Variants in KCTD5 observed in about 807,000 individuals in gnomAD.
The protein encoded by KCTD5 is potassium channel tetramerization domain containing 5.
In KCTD5, 12 loss-of-function variants were observed where a neutral mutation model predicts 27.9. That is an observed-to-expected ratio of 0.43 (90% CI 0.28 to 0.70). KCTD5 has a LOEUF of 0.70. KCTD5 is among the 30% of genes least tolerant of loss of function. KCTD5 has a pLI of 0.19. For missense variants in KCTD5, 226 were observed against 274.8 expected, an observed-to-expected ratio of 0.82 and a Z score of 1.26; for synonymous variants, 147 against 121.4, an observed-to-expected ratio of 1.21 and a Z score of -1.39.
At chr16:2,701,400 C>T (rs980549871) in intron 4 of KCTD5, among the ~76,000 whole-genome samples, 4 of 152,192 alleles carry the variant, frequency 2.6e-5, no homozygotes, top group Non-Finnish European at 5.9e-5. Flanking sequence ...ACCCAGGGTC[C>T]CCAGTGGTCA....
intron 1 of KCTD5, among the ~76,000 whole-genome samples, chr16:2,693,018 C>T (rs1484733059): frequency 6.6e-6 from 1 of 152,244 alleles, no homozygotes; most frequent in Admixed American, 6.5e-5. Context: ...CCCAGGGCTG[C>T]AGCCCCAGGC....
At chr16:2,693,236 T>C (rs904916574) in intron 1 of KCTD5, among the ~76,000 whole-genome samples, 66 of 152,162 alleles carry the variant, frequency 4.3e-4, no homozygotes, top group Non-Finnish European at 5.4e-4. Context: ...CAGTGGGCTA[T>C]GGTGTGGGGA....
At chr16:2,703,915 A>G (rs2067623440) in intron 5 of KCTD5, among the ~76,000 whole-genome samples, 2 of 152,168 alleles carry the variant, frequency 1.3e-5, no homozygotes, top group South Asian at 2.1e-4. Context: ...CTCAGTCACA[A>G]GGAGGCACTT....
chr16:2,705,645 T>C (rs2067632348), intron 5 of KCTD5, among the ~76,000 whole-genome samples: 1 of 152,184 alleles, frequency 6.6e-6, no homozygotes, highest in Non-Finnish European at 1.5e-5. Flanking sequence ...AGCCGTGTCC[T>C]GCAAGCCCCT....
chr16:2,703,832 G>A (rs1360452042), intron 5 of KCTD5, among the ~76,000 whole-genome samples: 3 of 152,240 alleles, frequency 2.0e-5, no homozygotes, highest in South Asian at 2.1e-4. Context: ...GGGTTCCACC[G>A]CCAGGCTCGG....
At chr16:2,688,673 G>T (rs1022959232) in intron 1 of KCTD5, among the ~76,000 whole-genome samples, 1 of 118,450 alleles carries the variant, frequency 8.4e-6, no homozygotes, top group African/African-American at 3.4e-5. Context: ...CCTGAAGGCA[G>T]CATGTATGGC....
chr16:2,703,337 G>C (rs1387386386), intron 5 of KCTD5, among the ~76,000 whole-genome samples: 1 of 152,146 alleles, frequency 6.6e-6, no homozygotes, highest in Non-Finnish European at 1.5e-5. Flanking sequence ...CTTGGCTGGG[G>C]TCTGCGTGGG....
intron 1 of KCTD5, chr16:2,686,032 G>A (rs1305929980): frequency 7.0e-6 from 1 of 143,730 alleles, no homozygotes; most frequent in African/African-American, 2.6e-5. Flanking sequence ...CTTGACAGAC[G>A]GGTTGTTAGG....
intron 1 of KCTD5, chr16:2,684,007 T>C (rs2067529405): frequency 6.7e-6 from 1 of 150,126 alleles, no homozygotes; most frequent in South Asian, 2.1e-4. Context: ...CATTGCTCAT[T>C]TGACCAAGCC....
intron 3 of KCTD5, among the ~76,000 whole-genome samples, chr16:2,698,899 G>A (rs2142057096): frequency 6.6e-6 from 1 of 152,350 alleles, no homozygotes; most frequent in South Asian, 2.1e-4. Flanking sequence ...TGACCGGGCT[G>A]TGTGGGCACT....
rs534443284 is a variant in KCTD5 at position 2,688,431 on chromosome 16, A to T, written c.252+5631A>T. 1.6e-4 allele frequency among the ~76,000 whole-genome samples: 24 copies of T among 151,856 alleles called. No individual in the cohort carries two copies. The South Asian group carries it at 2.1e-3, about 13-fold the overall frequency. ...ATGTCTGGCTGATTTTTGTATAGTC[A>T]GTAGAGAAGGGGTTTTGCCATGTTG... On this transcript the variant is annotated intron_variant, in intron 1 of 5. Coordinates refer to ENST00000301738, the MANE Select transcript of KCTD5 (RefSeq NM_018992.4).
At chr16:2,684,347 CTT>C (rs1243078344) in intron 1 of KCTD5, 1 of 152,180 alleles carries the variant, frequency 6.6e-6, no homozygotes, top group African/African-American at 2.4e-5. Context: ...TTCCTTAAGA[CTT>C]TGTTAAAAAT....
rs148724877 is a variant in KCTD5 at position 2,707,491 on chromosome 16, G to A, written c.*164G>A. 15 of 776,774 alleles carry A rather than the reference G, an allele frequency of 1.9e-5. No homozygotes were observed. Among genetic ancestry groups the A allele is most frequent in the South Asian group, 7.2e-5 (5 of 69,564 alleles). 48.1% of individuals were successfully genotyped at this position (776,774 alleles called of 1,614,324 possible). ...GCCTCTGAGGTGGGTGGTGAGAGAC[G>A]GGCCCAGCTGTCCAAGGCCAGACGT... On this transcript the variant is annotated 3_prime_UTR_variant, in exon 6 of 6. Transcript: ENST00000301738.
At chr16:2,686,572 CAGAT>C (rs1431519747) in intron 1 of KCTD5, among the ~76,000 whole-genome samples, 1 of 48,416 alleles carries the variant, frequency 2.1e-5, no homozygotes, top group African/African-American at 8.9e-5. Flanking sequence ...GGAAACCACT[CAGAT>C]GGAGGAGAAT....
chr16:2,706,812 G>C (rs1289074125), intron 5 of KCTD5, among the ~76,000 whole-genome samples: 1 of 151,586 alleles, frequency 6.6e-6, no homozygotes, highest in East Asian at 2.0e-4. Flanking sequence ...GGAGGGGCCA[G>C]CACATGAGGT....
intron 5 of KCTD5, 41 bp from the exon 6 acceptor site, chr16:2,707,257 C>G (rs1310960863): frequency 3.1e-6 from 5 of 1,606,974 alleles, no homozygotes; most frequent in Admixed American, 1.7e-5. Flanking sequence ...GGGACACCTC[C>G]TCAGCCCAAG....
intron 1 of KCTD5, among the ~76,000 whole-genome samples, chr16:2,688,230 T>C (rs1437986788): frequency 1.2e-5 from 1 of 82,838 alleles, no homozygotes; most frequent in East Asian, 2.3e-4. Context: ...AATAAATAAA[T>C]ATATATATAT....
rs1324848405 is a variant in KCTD5 at position 2,685,027 on chromosome 16, C to G, written c.252+2227C>G. On this transcript the variant is annotated intron_variant, in intron 1 of 5. Transcript: ENST00000301738. Reference sequence around the variant, plus strand: ...TGAATATATCTGTGTTATACTTGCTCTTTTCATCATCATCCATTTAACCAG... The same window carrying G: ...TGAATATATCTGTGTTATACTTGCTGTTTTCATCATCATCCATTTAACCAG... Among the ~76,000 whole-genome samples the G allele has an allele frequency of 2.6e-5, 4 of 152,234 alleles. No homozygotes were observed. In the East Asian group the frequency reaches 7.7e-4, roughly 29 times the overall value.
chr16:2,688,243 A>ATG (rs1555454269), intron 1 of KCTD5, among the ~76,000 whole-genome samples: 1 of 64,266 alleles, frequency 1.6e-5, no homozygotes, highest in African/African-American at 5.0e-5. Context: ...ATATATATAT[A>ATG]TATTTATTTA....
Sources: gnomAD v4.1 joint callset for allele counts (sites outside exome capture counted in the v4.1 genomes callset) on GRCh38, gnomAD v4.1.1 for gene constraint, MANE v1.5 for transcripts, NCBI Gene and HGNC (gene_info 2026-07-23, HGNC 2026-07-21) for gene names.